RXRA: variants seen among roughly 807,000 people sequenced by gnomAD.
RXRA encodes retinoid X receptor alpha.
A neutral mutation model predicts 44.5 loss-of-function variants in RXRA; 5 were observed. That is an observed-to-expected ratio of 0.11 (90% CI 0.06 to 0.24). The LOEUF (loss-of-function observed/expected upper bound fraction) is 0.24, where lower values mean the gene tolerates loss of function less well. RXRA is among the 10% of genes least tolerant of loss of function. The pLI is 1.00. For synonymous variants in RXRA, 291 were observed against 271.4 expected, an observed-to-expected ratio of 1.07 and a Z score of -0.71; for missense variants, 412 against 646.5, an observed-to-expected ratio of 0.64 and a Z score of 3.93.
chr9:134,423,549 G>A, intron 6 of RXRA: 1 of 985,346 alleles, frequency 1.0e-6, no homozygotes, highest in Non-Finnish European at 1.2e-6. Flanking sequence ...CCTCCTGGAA[G>A]GACTCTTCTG....
rs35289091 is a variant in RXRA, at chr9:134,411,195, G to A, written c.610+2076G>A. 6.8e-4 allele frequency among the ~76,000 whole-genome samples: 104 copies of A among 152,318 alleles called. No homozygotes were observed. The East Asian group carries it at 0.019, about 28-fold the overall frequency. On this transcript the variant is annotated intron_variant, in intron 4 of 9. Transcript: ENST00000481739. ...CGTCCCGGACCCTCCAGGCTGCACT[G>A]ACTCCTTCCTAAGGCCCTGCAGCCC... is the stretch of plus-strand genomic sequence containing the variant.
intron 2 of RXRA, among the ~76,000 whole-genome samples, chr9:134,406,837 A>G (rs1405594309): frequency 6.6e-6 from 1 of 152,234 alleles, no homozygotes; most frequent in South Asian, 2.1e-4. Context: ...TGCAAAGCCC[A>G]GGCACCGCAC....
rs1295331066 is a variant in RXRA, at chr9:134,342,984, A to G, written c.28+16325A>G. ...TAGAGGCCAGGAAACCCAATCCCGC[A>G]GCCTAGGCAGTGGGGGGACCTCCTT... On this transcript the variant is annotated intron_variant, in intron 1 of 9. Coordinates refer to ENST00000481739, the MANE Select transcript of RXRA (RefSeq NM_002957.6). This position sits in a 1 kb window ranked among gnomAD's most constrained non-coding sequence, Gnocchi z 4.4. Among the ~76,000 whole-genome samples, 1 of 152,178 alleles carries G rather than the reference A, an allele frequency of 6.6e-6. No homozygotes were observed. The highest frequency in any genetic ancestry group is 2.4e-5 in the African/African-American group (1 of 41,440).
intron 6 of RXRA, chr9:134,422,598 C>T (rs868482600): frequency 5.7e-5 from 50 of 882,956 alleles, no homozygotes; most frequent in African/African-American, 2.8e-4. Context: ...GGACACTCCC[C>T]GCTCCCAGGA....
At chr9:134,429,551 G>T (rs1257054439) in intron 7 of RXRA, among the ~76,000 whole-genome samples, 1 of 152,214 alleles carries the variant, frequency 6.6e-6, no homozygotes, top group Non-Finnish European at 1.5e-5. Context: ...TACCGTAGAT[G>T]CAGTTTTGTA....
chr9:134,379,616 G>T (rs1156468448), intron 1 of RXRA: 8 of 985,252 alleles, frequency 8.1e-6, no homozygotes, highest in Non-Finnish European at 9.6e-6. Context: ...ACAGCCGCAG[G>T]GTCTCACCCT....
intron 4 of RXRA, among the ~76,000 whole-genome samples, chr9:134,415,868 C>T (rs1831225681): frequency 6.6e-6 from 1 of 152,218 alleles, no homozygotes; most frequent in Admixed American, 6.5e-5. Flanking sequence ...GGCCGCAGGA[C>T]CCCATGGTCG....
intron 1 of RXRA, among the ~76,000 whole-genome samples, chr9:134,369,827 T>C (rs1830468785): frequency 1.3e-5 from 2 of 152,136 alleles, no homozygotes; most frequent in South Asian, 2.1e-4. Flanking sequence ...GGTCCCCTCC[T>C]CCTAGTTCAA....
intron 1 of RXRA, among the ~76,000 whole-genome samples, chr9:134,369,592 T>C (rs1830466087): frequency 6.6e-6 from 1 of 151,748 alleles, no homozygotes; most frequent in Admixed American, 6.6e-5. Flanking sequence ...TGTCACCCAT[T>C]CCCTGTGAGC....
chr9:134,330,751 G>A (rs1234536376), intron 1 of RXRA, among the ~76,000 whole-genome samples: 6 of 152,350 alleles, frequency 3.9e-5, no homozygotes, highest in Non-Finnish European at 8.8e-5. Flanking sequence ...CAGGCCACCT[G>A]GGGTTGGGCC....
intron 1 of RXRA, among the ~76,000 whole-genome samples, chr9:134,347,699 T>G (rs1241633253): frequency 3.4e-5 from 5 of 147,956 alleles, no homozygotes; most frequent in African/African-American, 5.0e-5. Flanking sequence ...GGTGGGGAGG[T>G]GGAGAAGGAC....
intron 1 of RXRA, among the ~76,000 whole-genome samples, chr9:134,373,222 C>T (rs375005551): frequency 3.5e-4 from 53 of 152,210 alleles, no homozygotes; most frequent in Non-Finnish European, 6.5e-4. Context: ...ATGAAGGACT[C>T]GGGTCCCAGA....
At position 134,437,252 on chromosome 9, in the gene RXRA, A is replaced by G. The variant is rs1831638505; in HGVS notation, c.*638A>G. Reference sequence around the variant, plus strand: ...GCCCCTTTTTCCAAAGATAACTCACAGTTTTGCCCTCGAGCCAATGAGAAC... The same window carrying G: ...GCCCCTTTTTCCAAAGATAACTCACGGTTTTGCCCTCGAGCCAATGAGAAC... On this transcript the variant is annotated 3_prime_UTR_variant, in exon 10 of 10. Transcript: ENST00000481739. The G allele has an allele frequency of 6.5e-6, 1 of 153,248 alleles. No homozygotes were observed. Among genetic ancestry groups the G allele is most frequent in the Non-Finnish European group, 1.5e-5 (1 of 68,616 alleles). The allele number at this position is 153,248 out of a possible 1,614,324, so 9.5% of individuals were successfully genotyped here. A position where few individuals can be genotyped will look rare whatever the true frequency, so the allele number is the denominator to read the frequency against.
chr9:134,363,849 G>C (rs895029274), intron 1 of RXRA, among the ~76,000 whole-genome samples: 1 of 152,174 alleles, frequency 6.6e-6, no homozygotes, highest in African/African-American at 2.4e-5. Context: ...TCCTCATCCC[G>C]ACCTCAGCTC....
At chr9:134,345,760 G>A (rs1363609843) in intron 1 of RXRA, among the ~76,000 whole-genome samples, 2 of 152,216 alleles carry the variant, frequency 1.3e-5, no homozygotes, top group African/African-American at 4.8e-5. Context: ...GCCATTGTCA[G>A]TGCAAAATGC....
intron 7 of RXRA, 144 bp downstream of exon 7, chr9:134,429,384 G>C: frequency 1.1e-6 from 1 of 910,528 alleles, no homozygotes; most frequent in South Asian, 1.8e-5. Flanking sequence ...AAAGAGAAAA[G>C]CATGAGGAGG....
At chr9:134,335,439 GGA>G (rs1829985052) in intron 1 of RXRA, among the ~76,000 whole-genome samples, 1 of 152,192 alleles carries the variant, frequency 6.6e-6, no homozygotes, top group African/African-American at 2.4e-5. Flanking sequence ...CTTTCCAGGG[GGA>G]TCTGGTTCTA....
intron 1 of RXRA, among the ~76,000 whole-genome samples, chr9:134,368,359 C>CTG (rs1435677601): frequency 6.6e-6 from 1 of 152,254 alleles, no homozygotes; most frequent in East Asian, 1.9e-4. Flanking sequence ...CTGCCCTTGC[C>CTG]ACCCACTCCC....
At position 134,365,910 on chromosome 9, in the gene RXRA, T is replaced by G. The variant is rs1588266798; in HGVS notation, c.29-35722T>G. ...GGGCTGGGATTGGCCGTCGGGGAGG[T>G]GCACACAGACGCTCAGCACAGTTGT... On this transcript the variant is annotated intron_variant, in intron 1 of 9. Transcript: ENST00000481739. This position sits in a 1 kb window ranked among gnomAD's most constrained non-coding sequence, Gnocchi z 4.0. 6.6e-6 allele frequency among the ~76,000 whole-genome samples: 1 copy of G among 151,512 alleles called. No homozygotes were observed. Among genetic ancestry groups the G allele is most frequent in the African/African-American group, 2.4e-5 (1 of 41,134 alleles).
Sources: gnomAD v4.1 joint callset for allele counts (sites outside exome capture counted in the v4.1 genomes callset) on GRCh38, gnomAD v4.1.1 for gene constraint, Gnocchi (gnomAD v3.1) non-coding constraint, MANE v1.5 for transcripts, NCBI Gene and HGNC (gene_info 2026-07-23, HGNC 2026-07-21) for gene names.